The following ZNF768 variants were observed in gnomAD, a reference collection of about 807,000 sequenced individuals.
ZNF768 encodes the protein zinc finger protein 768.
ZNF768 carries 12 observed loss-of-function variants against 39.7 expected under a neutral mutation model. The observed-to-expected ratio is 0.30, with a 90% CI of 0.19 to 0.49. The LOEUF (loss-of-function observed/expected upper bound fraction) is 0.49. ZNF768 is among the 20% of genes least tolerant of loss of function. The pLI is 0.99. For synonymous variants in ZNF768, 360 were observed against 288.4 expected, an observed-to-expected ratio of 1.25 and a Z score of -2.52; for missense variants, 613 against 723.2, an observed-to-expected ratio of 0.85 and a Z score of 1.75.
At chr16:30,532,333 A>G in the ZNF768 span, 3 of 767,142 alleles carry the variant, frequency 3.9e-6, no homozygotes, top group South Asian at 5.3e-5. Context: ...GCGGGGAGCA[A>G]GGTGCTGGCA....
At position 30,525,577 on chromosome 16, in the gene ZNF768, A is replaced by G; in HGVS notation, c.563T>C (p.Ile188Thr). Reference protein sequence around the residue: ...LNPEEKSPLNISVGVHPLDSF... With the variant: ...LNPEEKSPLNTSVGVHPLDSF... Reference sequence around the variant, plus strand: ...GTCCAGGGGGTGAACTCCTACGGAGATATTCAAAGGACTCTTTTCCTCGGG... The same window carrying G: ...GTCCAGGGGGTGAACTCCTACGGAGGTATTCAAAGGACTCTTTTCCTCGGG... The change falls in exon 2 of 2, where the codon ATC becomes ACC. Residue 188 changes from isoleucine to threonine, a missense_variant. By Grantham distance (89) the Ile-to-Thr change is moderately conservative. This residue lies in a region of ZNF768 where 347 missense variants were observed against 326.1 expected (regional missense o/e 1.06). Coordinates refer to ENST00000380412, the MANE Select transcript of ZNF768 (RefSeq NM_024671.4). 8.1e-6 allele frequency: 13 copies of G among 1,614,196 alleles called. No individual in the cohort carries two copies. The highest frequency in any genetic ancestry group is 1.1e-5 in the Non-Finnish European group (13 of 1,180,030).
chr16:30,526,290 G>A (rs966267715), intron 1 of ZNF768, 36 bp downstream of exon 1: 1 of 1,607,044 alleles, frequency 6.2e-7, no homozygotes, highest in Non-Finnish European at 8.5e-7. Context: ...TCTCCTGCGC[G>A]CAAGTCCACT....
chr16:30,526,222 T>TC, intron 1 of ZNF768, 104 bp downstream of exon 1: 1 of 1,550,812 alleles, frequency 6.4e-7, no homozygotes, highest in African/African-American at 1.4e-5. Context: ...GGCCCCTCCT[T>TC]CGAGTCCCAG....
upstream of ZNF768, chr16:30,528,166 T>A (rs558568431): frequency 6.6e-6 from 1 of 152,258 alleles, no homozygotes; most frequent in East Asian, 1.9e-4. Context: ...AGAGAATGTT[T>A]GGGAGGAAGG....
chr16:30,525,643 T>C lies in ZNF768; in HGVS notation c.497A>G (p.Gln166Arg), dbSNP rs1255704736. 1.1e-5 allele frequency: 17 copies of C among 1,614,146 alleles called. No homozygotes were observed. Among genetic ancestry groups the C allele is most frequent in the Non-Finnish European group, 1.4e-5 (16 of 1,180,048 alleles). ...LKTQSPEFEA[Q>R]SSKFQEGAEM... ...CGCACCTTCCTGGAATTTGGAACTTTGAGCTTCAAATTCTGGGCTTTGGGT... is the reference window on the plus strand; with the variant it reads ...CGCACCTTCCTGGAATTTGGAACTTCGAGCTTCAAATTCTGGGCTTTGGGT... The change falls in exon 2 of 2, where the codon CAA (glutamine) becomes CGA (arginine). Residue 166 changes from glutamine (Q) to arginine (R), a missense_variant. This residue lies in a region of ZNF768 where 347 missense variants were observed against 326.1 expected (regional missense o/e 1.06). Transcript: ENST00000380412.
chr16:30,532,446 C>T, the ZNF768 span: 4 of 1,550,908 alleles, frequency 2.6e-6, no homozygotes, highest in Non-Finnish European at 3.5e-6. Flanking sequence ...GGTTCGGGCC[C>T]CTGAGCCCAT....
upstream of ZNF768, chr16:30,527,264 A>C (rs1312038339): frequency 1.0e-6 from 1 of 985,376 alleles, no homozygotes; most frequent in Non-Finnish European, 1.2e-6. Flanking sequence ...GCTCCCCGGC[A>C]CCTGCGCGCG....
Position 30,524,691 on chromosome 16 carries a change from C to T in ZNF768, c.1449G>A (p.Arg483=), listed in dbSNP as rs200319652. The T allele has an allele frequency of 6.2e-7, 1 of 1,613,046 alleles. No individual in the cohort carries two copies. Among genetic ancestry groups the T allele is most frequent in the Non-Finnish European group, 8.5e-7 (1 of 1,179,758 alleles). The change falls in exon 2 of 2, where the codon CGG becomes CGA. Residue 483 remains arginine, a synonymous_variant. Coordinates refer to ENST00000380412, the MANE Select transcript of ZNF768 (RefSeq NM_024671.4). ...IQHQRSHTGE[R]PYRCAVCGKG... ...TGCCGCACACGGCGCACCTGTAGGG[C>T]CGCTCGCCCGTGTGGGAGCGCTGGT...
chr16:30,524,953 G>A lies in ZNF768; in HGVS notation c.1187C>T (p.Thr396Ile). ...GCCACAGCTGAAGGGCCTCTGACCG[G>A]TGTGCACCCTCTGATGGCTGCGCAG... ...SSLRSHQRVH[T>I]GQRPFSCGIC... The change falls in exon 2 of 2, where the codon ACC becomes ATC. Residue 396 changes from threonine (T) to isoleucine (I), a missense_variant. By Grantham distance (89) the Thr-to-Ile change is moderately conservative. Coordinates refer to ENST00000380412, the MANE Select transcript of ZNF768 (RefSeq NM_024671.4). 3.7e-6 allele frequency: 6 copies of A among 1,613,098 alleles called. No homozygotes were observed. The highest frequency in any genetic ancestry group is 5.1e-6 in the Non-Finnish European group (6 of 1,179,752).
chr16:30,526,542 C>T lies in ZNF768; in HGVS notation c.-129G>A, dbSNP rs1044026414. The T allele has an allele frequency of 2.0e-5, 22 of 1,086,942 alleles. No individual in the cohort carries two copies. Among genetic ancestry groups the T allele is most frequent in the African/African-American group, 8.4e-5 (5 of 59,272 alleles). 67.3% of individuals were successfully genotyped at this position (1,086,942 alleles called of 1,614,324 possible). A position where few individuals can be genotyped will look rare whatever the true frequency, so the allele number is the denominator to read the frequency against. ...CCGCCCAGGGGACTCGGCGGCCCAG[C>T]CCGGGCCCCCGAGGCCGGACGTCTT... On this transcript the variant is annotated 5_prime_UTR_variant, in exon 1 of 2. Transcript: ENST00000380412.
chr16:30,528,682 T>C (rs562730325), upstream of ZNF768, among the ~76,000 whole-genome samples: 2 of 152,320 alleles, frequency 1.3e-5, 1 homozygote, highest in South Asian at 4.1e-4. Flanking sequence ...CAATGTATGT[T>C]TGTCTTGAAA....
In ZNF768 at chr16:30,525,857, G is replaced by A. The variant is rs370512919; in HGVS notation, c.283C>T (p.Pro95Ser). ...CTGGGTGCAAACTCAGGGCTTGGGGGCACAAGCCCAGGGCTTCGGGACTCA... is the reference window on the plus strand; with the variant it reads ...CTGGGTGCAAACTCAGGGCTTGGGGACACAAGCCCAGGGCTTCGGGACTCA... Reference protein sequence around the residue: ...GFESRSPGLVPPSPEFAPRSP... With the variant: ...GFESRSPGLVSPSPEFAPRSP... The change falls in exon 2 of 2, where the codon CCC becomes TCC. Residue 95 changes from proline (P) to serine (S), a missense_variant. Physicochemically the swap from Pro to Ser is moderately conservative, Grantham distance 74 (BLOSUM62 -1). This residue lies in a region of ZNF768 where 347 missense variants were observed against 326.1 expected (regional missense o/e 1.06). Coordinates refer to ENST00000380412, the MANE Select transcript of ZNF768 (RefSeq NM_024671.4). 2 of 1,523,936 alleles carry A rather than the reference G, an allele frequency of 1.3e-6. No homozygotes were observed. The highest frequency in any genetic ancestry group is 1.8e-6 in the Non-Finnish European group (2 of 1,140,310). The allele number at this position is 1,523,936 out of a possible 1,614,324, so 94.4% of individuals were successfully genotyped here.
In ZNF768 at chr16:30,524,345, A is replaced by C; in HGVS notation, c.*172T>G. The C allele has an allele frequency of 2.6e-6, 3 of 1,134,352 alleles. No individual in the cohort carries two copies. Among genetic ancestry groups the C allele is most frequent in the Non-Finnish European group, 2.4e-6 (2 of 839,828 alleles). 70.3% of individuals were successfully genotyped at this position (1,134,352 alleles called of 1,614,324 possible). On this transcript the variant is annotated 3_prime_UTR_variant, in exon 2 of 2. Transcript: ENST00000380412. ...TGCCGGCCTGGCCTCCCTCCAACCC[A>C]CTTCCCACAAGTCTCCAGGGCATGT...
rs1376098632 is a variant in ZNF768 at position 30,524,366 on chromosome 16, C to T, written c.*151G>A. ...ACCCACTTCCCACAAGTCTCCAGGG[C>T]ATGTCACTTCCTCCACCCTGGTTCT... On this transcript the variant is annotated 3_prime_UTR_variant, in exon 2 of 2. Coordinates refer to ENST00000380412, the MANE Select transcript of ZNF768 (RefSeq NM_024671.4). The T allele has an allele frequency of 1.7e-5, 22 of 1,278,208 alleles. No individual in the cohort carries two copies. The highest frequency in any genetic ancestry group is 2.3e-5 in the Non-Finnish European group (22 of 955,540). 79.2% of individuals were successfully genotyped at this position (1,278,208 alleles called of 1,614,324 possible).
chr16:30,524,204 TC>T lies in ZNF768; in HGVS notation c.*312del. 1 of 373,274 alleles carries T rather than the reference TC, an allele frequency of 2.7e-6. No homozygotes were observed. Among genetic ancestry groups the T allele is most frequent in the Non-Finnish European group, 4.9e-6 (1 of 205,910 alleles). The allele number at this position is 373,274 out of a possible 1,614,324, so 23.1% of individuals were successfully genotyped here. ...AAGCTAACCCACTCTAATTAGGTAATCCCCTGCCCTCCCCCCTCCCTGCTCT... is the reference window on the plus strand; with the variant it reads ...AAGCTAACCCACTCTAATTAGGTAATCCCTGCCCTCCCCCCTCCCTGCTCT... On this transcript the variant is annotated 3_prime_UTR_variant, in exon 2 of 2. Coordinates refer to ENST00000380412, the MANE Select transcript of ZNF768 (RefSeq NM_024671.4).
In ZNF768 at chr16:30,524,793, G is replaced by T; in HGVS notation, c.1347C>A (p.Arg449=). The T allele has an allele frequency of 6.2e-7, 1 of 1,611,266 alleles. No homozygotes were observed. The highest frequency in any genetic ancestry group is 1.1e-5 in the South Asian group (1 of 91,008). ...GQSSVLAIHA[R]THLPGRTYSC... is the part of the protein sequence containing the mutation. The stretch of plus-strand genomic sequence containing the variant: ...TGTAGGTGCGGCCTGGCAGGTGGGT[G>T]CGGGCGTGGATGGCCAGCACCGAGC... The change falls in exon 2 of 2, where the codon CGC becomes CGA. Residue 449 remains arginine, a synonymous_variant. Coordinates refer to ENST00000380412, the MANE Select transcript of ZNF768 (RefSeq NM_024671.4).
chr16:30,525,587 G>A lies in ZNF768; in HGVS notation c.553C>T (p.Pro185Ser), dbSNP rs2051314588. Residue 185 changes from proline to serine, a missense_variant, in exon 2 of 2, where the codon CCT becomes TCT. Physicochemically the swap from Pro to Ser is moderately conservative, Grantham distance 74 (BLOSUM62 -1). Coordinates refer to ENST00000380412, the MANE Select transcript of ZNF768 (RefSeq NM_024671.4). Reference sequence around the variant, plus strand: ...TGAACTCCTACGGAGATATTCAAAGGACTCTTTTCCTCGGGGTTCAGAAGC... The same window carrying A: ...TGAACTCCTACGGAGATATTCAAAGAACTCTTTTCCTCGGGGTTCAGAAGC... ...EMLLNPEEKS[P>S]LNISVGVHPL... is the part of the protein sequence containing the mutation. 2.5e-6 allele frequency: 4 copies of A among 1,614,136 alleles called. No homozygotes were observed. The Admixed American group carries it at 5.0e-5, about 20-fold the overall frequency.
At chr16:30,532,370 A>T in the ZNF768 span, 1 of 1,067,308 alleles carries the variant, frequency 9.4e-7, no homozygotes, top group Non-Finnish European at 1.4e-6. Context: ...GCCCAAGATC[A>T]GACTGTCCGC....
At chr16:30,526,275 C>G (rs758878629) in intron 1 of ZNF768, 51 bp downstream of exon 1, 1 of 1,604,314 alleles carries the variant, frequency 6.2e-7, no homozygotes, top group South Asian at 1.1e-5. Flanking sequence ...GGAGCCACAG[C>G]CCCTTCTCCT....
Sources: allele counts gnomAD v4.1 joint callset (sites outside exome capture counted in the v4.1 genomes callset), GRCh38; gene constraint gnomAD v4.1.1; regional missense constraint gnomAD v4.1.1; transcripts MANE v1.5; gene names NCBI Gene and HGNC (gene_info 2026-07-23, HGNC 2026-07-21).